Variants in ZBTB1 observed in about 807,000 individuals in gnomAD.
ZBTB1 encodes the protein zinc finger and BTB domain containing 1, also known as zinc finger and BTB domain-containing protein 1.
Under a neutral mutation model 51.6 loss-of-function variants are expected in ZBTB1, and 13 were observed. The ratio of observed to expected loss-of-function variants is 0.25; its 90% CI spans 0.16 to 0.40. The LOEUF (loss-of-function observed/expected upper bound fraction) is 0.40, where lower values mean the gene tolerates loss of function less well. Among genes scored for constraint, ZBTB1 ranks in the 10% least tolerant of loss-of-function variants. The pLI, the probability that ZBTB1 is intolerant of heterozygous loss-of-function variation, is 1.00. For missense variants in ZBTB1, 567 were observed against 856.5 expected, an observed-to-expected ratio of 0.66 and a Z score of 4.22; for synonymous variants, 240 against 282.2, an observed-to-expected ratio of 0.85 and a Z score of 1.50.
In ZBTB1 at chr14:64,524,166, G is replaced by T. The variant is rs918956779; in HGVS notation, c.*520G>T. 5.4e-5 allele frequency: 53 copies of T among 985,008 alleles called. No homozygotes were observed. In the African/African-American group the frequency reaches 9.3e-4, roughly 17 times the overall value. The allele number at this position is 985,008 out of a possible 1,614,324, so 61.0% of individuals were successfully genotyped here. On this transcript the variant is annotated 3_prime_UTR_variant, in exon 2 of 2. Coordinates refer to ENST00000683701, the MANE Select transcript of ZBTB1 (RefSeq NM_001123329.2). The stretch of plus-strand genomic sequence containing the variant: ...ATTCTTAAATTGACAAGCTTATTAG[G>T]CAAGTTAGGTGCACTGAATCTAACC...
Position 64,523,763 on chromosome 14 carries a change from C to T in ZBTB1, c.*117C>T. 7.4e-7 allele frequency: 1 copy of T among 1,357,082 alleles called. No individual in the cohort carries two copies. The highest frequency in any genetic ancestry group is 2.2e-5 in the South Asian group (1 of 45,216). 84.1% of individuals were successfully genotyped at this position (1,357,082 alleles called of 1,614,324 possible). On this transcript the variant is annotated 3_prime_UTR_variant, in exon 2 of 2. Transcript: ENST00000683701. The surrounding 1 kb of genome is among the most constrained non-coding windows in gnomAD (Gnocchi z 4.5). ...ATTTGTTAGAAACAAATTTCAAGGC[C>T]CTTTTAACTTTAATATTTTTGTTTA...
chr14:64,521,782 G>A lies in ZBTB1; in HGVS notation c.278G>A (p.Ser93Asn), dbSNP rs2079862204. 1 of 1,611,662 alleles carries A rather than the reference G, an allele frequency of 6.2e-7. No individual in the cohort carries two copies. The highest frequency in any genetic ancestry group is 2.2e-5 in the East Asian group (1 of 44,886). Residue 93 changes from serine (S) to asparagine (N), a missense_variant, in exon 2 of 2, where the codon AGT (serine) becomes AAT (asparagine). Transcript: ENST00000683701. Reference protein sequence around the residue: ...YLGKIMTAPSSFEQFKVAMNY... With the variant: ...YLGKIMTAPSNFEQFKVAMNY... ...GGAAAAATTATGACAGCTCCCTCCAGTTTTGAGCAGTTTAAAGTGGCAATG... is the reference window on the plus strand; with the variant it reads ...GGAAAAATTATGACAGCTCCCTCCAATTTTGAGCAGTTTAAAGTGGCAATG...
intron 1 of ZBTB1, among the ~76,000 whole-genome samples, chr14:64,506,880 C>T (rs933716754): frequency 6.6e-6 from 1 of 152,248 alleles, no homozygotes; most frequent in Non-Finnish European, 1.5e-5. Context: ...GTCACAGCCA[C>T]TTGCTCTTGA....
At chr14:64,520,452 CTGCAGGTGCA>C (rs1247057452) in intron 1 of ZBTB1, among the ~76,000 whole-genome samples, 1 of 152,124 alleles carries the variant, frequency 6.6e-6, no homozygotes, top group Non-Finnish European at 1.5e-5. Context: ...GTAGTTGGGA[CTGCAGGTGCA>C]TCATCATGCC....
At chr14:64,526,295 C>T (rs59512674), downstream of ZBTB1, among the ~76,000 whole-genome samples, 26,341 of 152,078 alleles carry the variant, frequency 0.17, 2,607 homozygotes, top group Non-Finnish European at 0.22. Context: ...AGCACTTTTC[C>T]CCAGCCCAGT....
rs1434706977 is a variant in ZBTB1 at position 64,523,076 on chromosome 14, G to T, written c.1572G>T (p.Lys524Asn). ...NHYQINSIQK[K>N]QLFKHSACPF... is the part of the protein sequence containing the mutation. ...ACCAGATAAACAGTATCCAAAAAAAGCAGTTATTTAAACATTCTGCCTGCC... is the reference window on the plus strand; with the variant it reads ...ACCAGATAAACAGTATCCAAAAAAATCAGTTATTTAAACATTCTGCCTGCC... Residue 524 changes from lysine to asparagine, a missense_variant, in exon 2 of 2, where the codon AAG becomes AAT. By Grantham distance (94) the Lys-to-Asn change is moderately conservative. Transcript: ENST00000683701. The surrounding 1 kb of genome is among the most constrained non-coding windows in gnomAD (Gnocchi z 4.5). 1 of 1,614,012 alleles carries T rather than the reference G, an allele frequency of 6.2e-7. No individual in the cohort carries two copies. Among genetic ancestry groups the T allele is most frequent in the Non-Finnish European group, 8.5e-7 (1 of 1,180,016 alleles).
chr14:64,514,751 A>G (rs2079763111), intron 1 of ZBTB1, among the ~76,000 whole-genome samples: 1 of 152,230 alleles, frequency 6.6e-6, no homozygotes, highest in Admixed American at 6.5e-5. Context: ...CAAACCCTGT[A>G]TTAAGGACTC....
intron 1 of ZBTB1, among the ~76,000 whole-genome samples, chr14:64,511,609 A>T (rs2079724988): frequency 6.6e-6 from 1 of 152,186 alleles, no homozygotes; most frequent in Admixed American, 6.5e-5. Flanking sequence ...GGATGAATGG[A>T]TATGTAGATT....
At position 64,504,782 on chromosome 14, in the gene ZBTB1, T is replaced by A. The variant is rs1341934072; in HGVS notation, c.-183T>A. 2 of 380,140 alleles carry A rather than the reference T, an allele frequency of 5.3e-6. No homozygotes were observed. The allele number at this position is 380,140 out of a possible 1,614,324, so 23.5% of individuals were successfully genotyped here. ...GCGGAAGTCCTTTGTTGCAGCACAGTCCCTGGCAGAGCCAGAGCCTCTCCG... is the reference window on the plus strand; with the variant it reads ...GCGGAAGTCCTTTGTTGCAGCACAGACCCTGGCAGAGCCAGAGCCTCTCCG... On this transcript the variant is annotated 5_prime_UTR_variant, in exon 1 of 2. Coordinates refer to ENST00000683701, the MANE Select transcript of ZBTB1 (RefSeq NM_001123329.2).
chr14:64,510,588 T>C (rs532577172), intron 1 of ZBTB1, among the ~76,000 whole-genome samples: 1 of 152,212 alleles, frequency 6.6e-6, no homozygotes, highest in Admixed American at 6.5e-5. Flanking sequence ...GTAAGAAATT[T>C]ATGAAGTATA....
chr14:64,504,848 A>C lies in ZBTB1; in HGVS notation c.-117A>C. On this transcript the variant is annotated 5_prime_UTR_variant, in exon 1 of 2. Coordinates refer to ENST00000683701, the MANE Select transcript of ZBTB1 (RefSeq NM_001123329.2). ...GCGCCGAGCGCCGCGCGCCGCCGCCACTGCAGCTCGCGGCCCCTTCGCCTT... is the reference window on the plus strand; with the variant it reads ...GCGCCGAGCGCCGCGCGCCGCCGCCCCTGCAGCTCGCGGCCCCTTCGCCTT... The C allele has an allele frequency of 2.5e-6, 1 of 396,040 alleles. No homozygotes were observed. Among genetic ancestry groups the C allele is most frequent in the Non-Finnish European group, 4.5e-6 (1 of 224,616 alleles). 24.5% of individuals were successfully genotyped at this position (396,040 alleles called of 1,614,324 possible).
intron 1 of ZBTB1, among the ~76,000 whole-genome samples, chr14:64,512,206 G>A (rs2079732393): frequency 6.6e-6 from 1 of 152,176 alleles, no homozygotes; most frequent in African/African-American, 2.4e-5. Context: ...CAATTTTATA[G>A]ATGAGAAAAT....
chr14:64,525,755 C>G (rs1039070974), downstream of ZBTB1, among the ~76,000 whole-genome samples: 2 of 152,198 alleles, frequency 1.3e-5, no homozygotes, highest in African/African-American at 4.8e-5. Context: ...ACTTTACTCT[C>G]TAATTTTACA....
At chr14:64,506,374 A>C (rs1428849371) in intron 1 of ZBTB1, among the ~76,000 whole-genome samples, 1 of 152,168 alleles carries the variant, frequency 6.6e-6, no homozygotes, top group East Asian at 1.9e-4. Context: ...CTCTACTAAA[A>C]GTACAAAAAT....
chr14:64,523,760 G>T lies in ZBTB1; in HGVS notation c.*114G>T. 7.4e-7 allele frequency: 1 copy of T among 1,359,222 alleles called. No homozygotes were observed. The allele number at this position is 1,359,222 out of a possible 1,614,324, so 84.2% of individuals were successfully genotyped here. ...ATGATTTGTTAGAAACAAATTTCAA[G>T]GCCCTTTTAACTTTAATATTTTTGT... On this transcript the variant is annotated 3_prime_UTR_variant, in exon 2 of 2. Coordinates refer to ENST00000683701, the MANE Select transcript of ZBTB1 (RefSeq NM_001123329.2). The surrounding 1 kb of genome is among the most constrained non-coding windows in gnomAD (Gnocchi z 4.5).
At chr14:64,518,122 C>A (rs993068405) in intron 1 of ZBTB1, among the ~76,000 whole-genome samples, 4 of 152,120 alleles carry the variant, frequency 2.6e-5, no homozygotes, top group African/African-American at 9.7e-5. Flanking sequence ...CAGGCATGAG[C>A]CACTGCGCCT....
In ZBTB1 at chr14:64,522,363, G is replaced by T; in HGVS notation, c.859G>T (p.Asp287Tyr). The T allele has an allele frequency of 6.2e-7, 1 of 1,614,112 alleles. No individual in the cohort carries two copies. Among genetic ancestry groups the T allele is most frequent in the Non-Finnish European group, 8.5e-7 (1 of 1,180,014 alleles). ...TGCACAGACGGACAAATACAGAGGA[G>T]ACACAAGCCAGGCTGCTGATGATTC... ...FSAQTDKYRG[D>Y]TSQAADDSAS... is the part of the protein sequence containing the mutation. The change falls in exon 2 of 2, where the codon GAC (aspartate) becomes TAC (tyrosine). Residue 287 changes from aspartate (D) to tyrosine (Y), a missense_variant. By Grantham distance (160) the Asp-to-Tyr change is radical. Coordinates refer to ENST00000683701, the MANE Select transcript of ZBTB1 (RefSeq NM_001123329.2).
chr14:64,505,680 C>T (rs2079642727), intron 1 of ZBTB1, among the ~76,000 whole-genome samples: 1 of 152,144 alleles, frequency 6.6e-6, no homozygotes, highest in Admixed American at 6.5e-5. Context: ...CTAAGCAACG[C>T]GTGTACATGA....
intron 1 of ZBTB1, among the ~76,000 whole-genome samples, chr14:64,510,996 A>G (rs1180254342): frequency 6.6e-6 from 1 of 152,134 alleles, no homozygotes; most frequent in African/African-American, 2.4e-5. Flanking sequence ...GGCAACACTT[A>G]ATGGTTGATT....
Sources: gnomAD v4.1 joint callset for allele counts (sites outside exome capture counted in the v4.1 genomes callset) on GRCh38, gnomAD v4.1.1 for gene constraint, Gnocchi (gnomAD v3.1) non-coding constraint, MANE v1.5 for transcripts, NCBI Gene and HGNC (gene_info 2026-07-23, HGNC 2026-07-21) for gene names.